PCDHGC3: variants seen among roughly 807,000 people sequenced by gnomAD.
PCDHGC3 encodes protocadherin gamma-C3.
PCDHGC3 carries 26 observed loss-of-function variants against 59.2 expected under a neutral mutation model. That is an observed-to-expected ratio of 0.44 (90% CI 0.32 to 0.61). PCDHGC3 has a LOEUF of 0.61. Among genes scored for constraint, PCDHGC3 ranks in the 20% least tolerant of loss-of-function variants. The pLI is 0.05. For missense variants in PCDHGC3, 1,080 were observed against 1,221.8 expected (o/e 0.88, Z 1.73); for synonymous variants, 487 against 519.7 (o/e 0.94, Z 0.86).
chr5:141,506,577 A>G (rs2099855057), intron 3 of PCDHGC3, among the ~76,000 whole-genome samples: 1 of 152,162 alleles, frequency 6.6e-6, no homozygotes, highest in South Asian at 2.1e-4. Flanking sequence ...TTCACTTACT[A>G]TTAATGGGCA....
chr5:141,485,408 T>C lies in PCDHGC3; in HGVS notation c.2430+6862T>C. On this transcript the variant is annotated intron_variant, in intron 1 of 3. Transcript: ENST00000308177. The surrounding 1 kb of genome is among the most constrained non-coding windows in gnomAD (Gnocchi z 5.7). ...GAACCAAAGACACTTCCGTGTGGAT[T>C]TGGACAGCGGAGCCCTGCTCATCAA... 1 of 1,614,112 alleles carries C rather than the reference T, an allele frequency of 6.2e-7. No individual in the cohort carries two copies. Among genetic ancestry groups the C allele is most frequent in the Non-Finnish European group, 8.5e-7 (1 of 1,180,034 alleles).
chr5:141,482,740 G>A (rs1288861437), intron 1 of PCDHGC3, among the ~76,000 whole-genome samples: 1 of 127,398 alleles, frequency 7.8e-6, no homozygotes, highest in African/African-American at 3.6e-5. Context: ...GAAATTCCAT[G>A]CAGAGGGATT....
At position 141,476,379 on chromosome 5, in the gene PCDHGC3, T is replaced by TTCA. The variant is rs768549633; in HGVS notation, c.263_264insTCA (p.Val88_Asn89insGln). 9 of 1,614,126 alleles carry TTCA rather than the reference T, an allele frequency of 5.6e-6. No homozygotes were observed. The East Asian group carries it at 2.0e-4, about 36-fold the overall frequency. ...AACCGGGAGACCGGAGAGATGTTTG[T>TTCA]GAACGACCGTCTGGATCGAGAGGAG... On this transcript the variant is annotated inframe_insertion, in exon 1 of 4. Transcript: ENST00000308177. This position sits in a 1 kb window ranked among gnomAD's most constrained non-coding sequence, Gnocchi z 7.6.
At position 141,487,681 on chromosome 5, in the gene PCDHGC3, T is replaced by C. The variant is rs754032560; in HGVS notation, c.2431-7126T>C. The stretch of plus-strand genomic sequence containing the variant: ...CTGATCCAGGCATATGGCTAGGCCA[T>C]GTCCTAGAGAGTACTGGCCTCTCAG... On this transcript the variant is annotated intron_variant, in intron 1 of 3. Coordinates refer to ENST00000308177, the MANE Select transcript of PCDHGC3 (RefSeq NM_002588.4). The surrounding 1 kb of genome is among the most constrained non-coding windows in gnomAD (Gnocchi z 5.0). 1.1e-5 allele frequency: 18 copies of C among 1,608,852 alleles called. No individual in the cohort carries two copies. The highest frequency in any genetic ancestry group is 4.5e-5 in the East Asian group (2 of 44,816).
chr5:141,501,621 A>T (rs1348614977), intron 2 of PCDHGC3, among the ~76,000 whole-genome samples: 1 of 152,100 alleles, frequency 6.6e-6, no homozygotes, highest in Non-Finnish European at 1.5e-5. Context: ...ACTCTGGTAT[A>T]GTCTCTCAAC....
intron 1 of PCDHGC3, among the ~76,000 whole-genome samples, chr5:141,488,511 G>A (rs2099676160): frequency 6.6e-6 from 1 of 152,162 alleles, no homozygotes. Context: ...CCACATTTGG[G>A]GTCTGGGGTG....
chr5:141,484,960 C>A, intron 1 of PCDHGC3: 1 of 577,142 alleles, frequency 1.7e-6, no homozygotes, highest in Non-Finnish European at 3.1e-6. Flanking sequence ...TTGGCTGAGC[C>A]CGGGAGCCGC....
At chr5:141,504,147 T>C (rs2099836026) in intron 2 of PCDHGC3, among the ~76,000 whole-genome samples, 1 of 152,198 alleles carries the variant, frequency 6.6e-6, no homozygotes, top group South Asian at 2.1e-4. Flanking sequence ...CCCCTGCAAA[T>C]TGAAATAATT....
chr5:141,479,021 T>C (rs72790064), intron 1 of PCDHGC3, among the ~76,000 whole-genome samples: 1,892 of 152,352 alleles, frequency 0.012, 20 homozygotes, highest in Non-Finnish European at 0.018. Context: ...TAATTTTCCT[T>C]TGTTTATACA....
At chr5:141,505,347 T>C in intron 2 of PCDHGC3, 46 bp from the exon 3 acceptor site, 4 of 1,613,346 alleles carry the variant, frequency 2.5e-6, no homozygotes, top group Non-Finnish European at 2.5e-6. Context: ...GGGCATGAGC[T>C]GTGCCGGCCT....
In PCDHGC3 at chr5:141,491,250, C is replaced by T. The variant is rs1328621598; in HGVS notation, c.2431-3557C>T. The T allele has an allele frequency of 6.2e-7, 1 of 1,614,148 alleles. No individual in the cohort carries two copies. Among genetic ancestry groups the T allele is most frequent in the South Asian group, 1.1e-5 (1 of 91,092 alleles). ...TGCTGCTGGTTCTGGAGGATGAGGA[C>T]CCTGAGGAAATGCCCAAATCCAGTG... On this transcript the variant is annotated intron_variant, in intron 1 of 3. Transcript: ENST00000308177. The surrounding 1 kb of genome is among the most constrained non-coding windows in gnomAD (Gnocchi z 6.9).
chr5:141,485,239 C>T lies in PCDHGC3; in HGVS notation c.2430+6693C>T. ...GGGCTACCCTTTTGTTCCTCTTTTA[C>T]CACCTGGGTTACGTTTGTGGGCAGA... On this transcript the variant is annotated intron_variant, in intron 1 of 3. Transcript: ENST00000308177. This position sits in a 1 kb window ranked among gnomAD's most constrained non-coding sequence, Gnocchi z 5.7. The T allele has an allele frequency of 6.2e-7, 1 of 1,614,140 alleles. No homozygotes were observed. Among genetic ancestry groups the T allele is most frequent in the South Asian group, 1.1e-5 (1 of 91,072 alleles).
chr5:141,486,637 G>T lies in PCDHGC3; in HGVS notation c.2430+8091G>T. On this transcript the variant is annotated intron_variant, in intron 1 of 3. Coordinates refer to ENST00000308177, the MANE Select transcript of PCDHGC3 (RefSeq NM_002588.4). This position sits in a 1 kb window ranked among gnomAD's most constrained non-coding sequence, Gnocchi z 5.0. ...CTGACCCAGACTCTGGCTTGAATGCGCTTATCTCCTACTCACTCCTGGAGC... is the reference window on the plus strand; with the variant it reads ...CTGACCCAGACTCTGGCTTGAATGCTCTTATCTCCTACTCACTCCTGGAGC... 6.2e-7 allele frequency: 1 copy of T among 1,613,638 alleles called. No homozygotes were observed. The highest frequency in any genetic ancestry group is 8.5e-7 in the Non-Finnish European group (1 of 1,180,034).
At position 141,489,559 on chromosome 5, in the gene PCDHGC3, C is replaced by A; in HGVS notation, c.2431-5248C>A. ...CAGCACCAGCTGCCTGCTGCCAGTG[C>A]AGGTGGTGACTGAACACCCCCTGGA... On this transcript the variant is annotated intron_variant, in intron 1 of 3. Coordinates refer to ENST00000308177, the MANE Select transcript of PCDHGC3 (RefSeq NM_002588.4). This position sits in a 1 kb window ranked among gnomAD's most constrained non-coding sequence, Gnocchi z 4.5. The A allele has an allele frequency of 6.2e-7, 1 of 1,614,078 alleles. No homozygotes were observed. The highest frequency in any genetic ancestry group is 8.5e-7 in the Non-Finnish European group (1 of 1,180,014).
rs2099718995 is a variant in PCDHGC3 at position 141,491,523 on chromosome 5, G to A, written c.2431-3284G>A. On this transcript the variant is annotated intron_variant, in intron 1 of 3. Transcript: ENST00000308177. This position sits in a 1 kb window ranked among gnomAD's most constrained non-coding sequence, Gnocchi z 6.9. ...CGGACGGCACGCTCAAGTACATGGAGGTGACGCTGCGGCCCACAGACTCGC... is the reference window on the plus strand; with the variant it reads ...CGGACGGCACGCTCAAGTACATGGAAGTGACGCTGCGGCCCACAGACTCGC... The A allele has an allele frequency of 3.1e-6, 5 of 1,613,954 alleles. No individual in the cohort carries two copies. The highest frequency in any genetic ancestry group is 3.4e-6 in the Non-Finnish European group (4 of 1,180,032).
Position 141,476,301 on chromosome 5 carries a change from C to T in PCDHGC3, c.185C>T (p.Ser62Leu). Residue 62 changes from serine (S) to leucine (L), a missense_variant, in exon 1 of 4, where the codon TCA becomes TTA. Ser to Leu is a moderately radical substitution (Grantham distance 145, BLOSUM62 -2). Transcript: ENST00000308177. The surrounding 1 kb of genome is among the most constrained non-coding windows in gnomAD (Gnocchi z 7.6). ...ANLGLDLGSL[S>L]ARRFRVVSGA... ...CTTGGTTTGGATCTCGGTAGCCTCT[C>T]AGCCCGCAGGTTCCGGGTGGTGTCT... is the stretch of plus-strand genomic sequence containing the variant. The T allele has an allele frequency of 1.9e-6, 3 of 1,613,778 alleles. No homozygotes were observed. The highest frequency in any genetic ancestry group is 2.5e-6 in the Non-Finnish European group (3 of 1,179,908).
chr5:141,476,187 G>T lies in PCDHGC3; in HGVS notation c.71G>T (p.Gly24Val). 1 of 1,613,782 alleles carries T rather than the reference G, an allele frequency of 6.2e-7. No individual in the cohort carries two copies. The highest frequency in any genetic ancestry group is 8.5e-7 in the Non-Finnish European group (1 of 1,180,028). ...GTAGTGGGAGTTTTGCTTCTGCTTG[G>T]TGCCTTGAACAAGGCTTCCACGGTC... ...GRVVGVLLLL[G>V]ALNKASTVIH... Residue 24 changes from glycine to valine, a missense_variant, in exon 1 of 4, where the codon GGT (glycine) becomes GTT (valine). Physicochemically the swap from Gly to Val is moderately radical, Grantham distance 109. Transcript: ENST00000308177. This position sits in a 1 kb window ranked among gnomAD's most constrained non-coding sequence, Gnocchi z 7.6.
chr5:141,480,816 G>A (rs1400500941), intron 1 of PCDHGC3, among the ~76,000 whole-genome samples: 4 of 152,208 alleles, frequency 2.6e-5, no homozygotes, highest in Admixed American at 2.0e-4. Flanking sequence ...GGAGGCTGAG[G>A]TGGGTGGATC....
Position 141,490,896 on chromosome 5 carries a change from G to A in PCDHGC3, c.2431-3911G>A. 6.2e-7 allele frequency: 1 copy of A among 1,613,938 alleles called. No homozygotes were observed. Among genetic ancestry groups the A allele is most frequent in the Non-Finnish European group, 8.5e-7 (1 of 1,179,922 alleles). ...TGCATGCCAACACATCTCTGCATGTGTTTGTCCTAGACGAGAATGATAATG... is the reference window on the plus strand; with the variant it reads ...TGCATGCCAACACATCTCTGCATGTATTTGTCCTAGACGAGAATGATAATG... On this transcript the variant is annotated intron_variant, in intron 1 of 3. Coordinates refer to ENST00000308177, the MANE Select transcript of PCDHGC3 (RefSeq NM_002588.4). This position sits in a 1 kb window ranked among gnomAD's most constrained non-coding sequence, Gnocchi z 5.4.
Sources: allele counts gnomAD v4.1 joint callset (sites outside exome capture counted in the v4.1 genomes callset), GRCh38; gene constraint gnomAD v4.1.1; non-coding constraint Gnocchi (gnomAD v3.1); transcripts MANE v1.5; gene names NCBI Gene and HGNC (gene_info 2026-07-23, HGNC 2026-07-21).